Variants in GDPD1 observed in about 807,000 individuals in gnomAD.
GDPD1 encodes the protein glycerophosphodiester phosphodiesterase domain containing 1.
A neutral mutation model predicts 45.1 loss-of-function variants in GDPD1; 28 were observed. The ratio of observed to expected loss-of-function variants is 0.62; its 90% CI spans 0.46 to 0.85. GDPD1 has a LOEUF of 0.85. Ranked by LOEUF, GDPD1 falls within the 40% of genes least tolerant of loss-of-function variation. GDPD1 has a pLI of 0.00. For missense variants in GDPD1, 256 were observed against 364.8 expected, an observed-to-expected ratio of 0.70 and a Z score of 2.43; for synonymous variants, 139 against 131.4, an observed-to-expected ratio of 1.06 and a Z score of -0.40.
chr17:59,247,225 T>C (rs1447142862), intron 3 of GDPD1, among the ~76,000 whole-genome samples: 1 of 152,174 alleles, frequency 6.6e-6, no homozygotes, highest in Non-Finnish European at 1.5e-5. Context: ...GGTACATATA[T>C]TGACACAATA....
chr17:59,232,307 G>A (rs1003006475), intron 1 of GDPD1, among the ~76,000 whole-genome samples: 9 of 152,006 alleles, frequency 5.9e-5, no homozygotes, highest in Non-Finnish European at 1.3e-4. Context: ...AAAATTAGCC[G>A]GGTGTGGTGG....
chr17:59,223,563 C>G (rs1321392504), intron 1 of GDPD1, among the ~76,000 whole-genome samples: 9 of 152,140 alleles, frequency 5.9e-5, no homozygotes, highest in Non-Finnish European at 1.3e-4. Flanking sequence ...TCTCTCTGTG[C>G]AATTTGGGCT....
intron 7 of GDPD1, 76 bp downstream of exon 7, chr17:59,267,250 T>C: frequency 7.8e-7 from 1 of 1,287,024 alleles, no homozygotes; most frequent in Non-Finnish European, 1.1e-6. Context: ...CTAATATCAA[T>C]ATCAATGATG....
Position 59,262,639 on chromosome 17 carries a change from G to GTT in GDPD1, c.577-4391_577-4390dup, listed in dbSNP as rs71145546. 2.1e-3 allele frequency among the ~76,000 whole-genome samples: 303 copies of GTT among 143,788 alleles called. 3 individuals are homozygous for GTT. The highest frequency in any genetic ancestry group is 4.4e-3 in the South Asian group (20 of 4,546). The allele number at this position is 143,788 out of a possible 152,430, so 94.3% of individuals were successfully genotyped here. On this transcript the variant is annotated intron_variant, in intron 6 of 9. Transcript: ENST00000284116. ...TTGTATCTTGGTTTTGTTTTTTTTTGTTTTTTTTTTTTGAGACTCACTCTG... is the reference window on the plus strand; with the variant it reads ...TTGTATCTTGGTTTTGTTTTTTTTTGTTTTTTTTTTTTTTGAGACTCACTCTG...
chr17:59,273,063 G>T (rs911562218), intron 9 of GDPD1: 1 of 653,454 alleles, frequency 1.5e-6, no homozygotes, highest in Non-Finnish European at 2.3e-6. Context: ...TGCCAGAGGG[G>T]TGGGACAGTG....
intron 1 of GDPD1, among the ~76,000 whole-genome samples, chr17:59,221,863 C>A (rs1233561698): frequency 6.6e-6 from 1 of 152,120 alleles, no homozygotes; most frequent in Non-Finnish European, 1.5e-5. Context: ...ACTTTACTAA[C>A]AAGTATTGGC....
chr17:59,245,311 T>G (rs1157365618), intron 2 of GDPD1, 103 bp from the exon 3 acceptor site: 1 of 770,272 alleles, frequency 1.3e-6, no homozygotes, highest in Non-Finnish European at 2.2e-6. Context: ...GATATTTTAG[T>G]ATTATGGGAT....
chr17:59,224,757 G>A (rs187644477), intron 1 of GDPD1, among the ~76,000 whole-genome samples: 1 of 152,286 alleles, frequency 6.6e-6, no homozygotes, highest in African/African-American at 2.4e-5. Flanking sequence ...AGGAATTTGA[G>A]GTTGTTGCTA....
intron 2 of GDPD1, among the ~76,000 whole-genome samples, chr17:59,241,411 G>C (rs746758831): frequency 9.2e-5 from 14 of 152,188 alleles, no homozygotes; most frequent in African/African-American, 3.4e-4. Context: ...TCTGCCTCCC[G>C]GGTTCAAGCA....
intron 2 of GDPD1, among the ~76,000 whole-genome samples, chr17:59,236,532 G>A (rs2047133334): frequency 6.6e-6 from 1 of 152,012 alleles, no homozygotes; most frequent in Non-Finnish European, 1.5e-5. Context: ...GTCTTGCTCT[G>A]TCACCCAGGC....
At chr17:59,264,493 T>C (rs1439279007) in intron 6 of GDPD1, among the ~76,000 whole-genome samples, 2 of 152,062 alleles carry the variant, frequency 1.3e-5, no homozygotes, top group Admixed American at 1.3e-4. Context: ...AGTTTCATCA[T>C]GTTGGCCAGA....
At position 59,274,007 on chromosome 17, in the gene GDPD1, TGTAA is replaced by T; in HGVS notation, c.*237_*240del. ...TTTAGAAAGATAATTGGTTATGAGA[TGTAA>T]GTTTTAATTTCTTAATGTGCATTTT... is the stretch of plus-strand genomic sequence containing the variant. On this transcript the variant is annotated 3_prime_UTR_variant, in exon 10 of 10. Transcript: ENST00000284116. The T allele has an allele frequency of 1.4e-6, 1 of 734,652 alleles. No individual in the cohort carries two copies. Among genetic ancestry groups the T allele is most frequent in the Non-Finnish European group, 1.7e-6 (1 of 598,976 alleles). 45.5% of individuals were successfully genotyped at this position (734,652 alleles called of 1,614,324 possible).
At chr17:59,271,695 T>C (rs2047445689) in intron 8 of GDPD1, among the ~76,000 whole-genome samples, 1 of 151,804 alleles carries the variant, frequency 6.6e-6, no homozygotes, top group African/African-American at 2.4e-5. Context: ...CAGGCTGGAG[T>C]GCAGTGGTGT....
intron 7 of GDPD1, among the ~76,000 whole-genome samples, chr17:59,268,927 T>C (rs1022220478): frequency 6.6e-6 from 1 of 151,078 alleles, no homozygotes; most frequent in Non-Finnish European, 1.5e-5. Flanking sequence ...GGGGCAGAAG[T>C]TGCGGTGAGC....
rs1239721728 is a variant in GDPD1 at position 59,274,891 on chromosome 17, G to T, written c.*1118G>T. Reference sequence around the variant, plus strand: ...TAGTCTTGCTCTGTCGCCGAGGCCGGAGTGCAGTGGTGCGATCTTGGCTCA... The same window carrying T: ...TAGTCTTGCTCTGTCGCCGAGGCCGTAGTGCAGTGGTGCGATCTTGGCTCA... On this transcript the variant is annotated 3_prime_UTR_variant, in exon 10 of 10. Transcript: ENST00000284116. 6.6e-6 allele frequency among the ~76,000 whole-genome samples: 1 copy of T among 150,450 alleles called. No individual in the cohort carries two copies. The highest frequency in any genetic ancestry group is 6.6e-5 in the Admixed American group (1 of 15,136).
intron 1 of GDPD1, among the ~76,000 whole-genome samples, chr17:59,231,142 T>C (rs1040341670): frequency 1.2e-4 from 19 of 152,140 alleles, no homozygotes; most frequent in African/African-American, 4.6e-4. Flanking sequence ...CAAGTTGGAC[T>C]GGATGACAAC....
intron 6 of GDPD1, among the ~76,000 whole-genome samples, chr17:59,258,530 A>G (rs7210281): frequency 0.44 from 66,946 of 151,772 alleles, 16,534 homozygotes; most frequent in African/African-American, 0.68. Context: ...GCAACAGAGC[A>G]AGACTCTGTC....
intron 1 of GDPD1, among the ~76,000 whole-genome samples, chr17:59,221,694 T>C (rs1219190765): frequency 6.6e-6 from 1 of 152,180 alleles, no homozygotes; most frequent in Non-Finnish European, 1.5e-5. Flanking sequence ...TCAACTATGA[T>C]GTATAAAGTG....
intron 2 of GDPD1, among the ~76,000 whole-genome samples, chr17:59,238,401 C>A (rs2047150626): frequency 6.8e-6 from 1 of 147,720 alleles, no homozygotes; most frequent in Non-Finnish European, 1.5e-5. Context: ...GAATATGGCT[C>A]TTCTATTATT....
Sources: gnomAD v4.1 joint callset for allele counts (sites outside exome capture counted in the v4.1 genomes callset) on GRCh38, gnomAD v4.1.1 for gene constraint, MANE v1.5 for transcripts, NCBI Gene and HGNC (gene_info 2026-07-23, HGNC 2026-07-21) for gene names.